SCYL2: variants seen among roughly 807,000 people sequenced by gnomAD.
The protein encoded by SCYL2 is SCY1 like pseudokinase 2, also known as SCY1-like protein 2.
SCYL2 carries 36 observed loss-of-function variants against 100.4 expected under a neutral mutation model. The observed-to-expected ratio is 0.36, with a 90% CI of 0.27 to 0.47. SCYL2 has a LOEUF of 0.47. Ranked by LOEUF, SCYL2 falls within the 20% of genes least tolerant of loss-of-function variation. SCYL2 has a pLI of 1.00. For missense variants in SCYL2, 902 were observed against 1,083.9 expected (o/e 0.83, Z 2.36); for synonymous variants, 330 against 359.2 (o/e 0.92, Z 0.92).
At chr12:100,330,915 G>T (rs1167875249) in intron 13 of SCYL2, among the ~76,000 whole-genome samples, 1 of 147,352 alleles carries the variant, frequency 6.8e-6, no homozygotes, top group Non-Finnish European at 1.5e-5. Flanking sequence ...TGCAACCTCC[G>T]CCTTCTTGGT....
intron 10 of SCYL2, among the ~76,000 whole-genome samples, chr12:100,318,805 A>T (rs1445707189): frequency 6.6e-6 from 1 of 152,196 alleles, no homozygotes; most frequent in Non-Finnish European, 1.5e-5. Context: ...GACCATTCTT[A>T]ATGCATGTAT....
chr12:100,276,405 T>C (rs1467824863), intron 1 of SCYL2, among the ~76,000 whole-genome samples: 1 of 152,174 alleles, frequency 6.6e-6, no homozygotes, highest in Non-Finnish European at 1.5e-5. Context: ...CAATCATGGC[T>C]CACTGCAGCC....
chr12:100,277,386 C>T (rs1024511941), intron 1 of SCYL2, among the ~76,000 whole-genome samples: 8 of 152,196 alleles, frequency 5.3e-5, no homozygotes, highest in Non-Finnish European at 1.2e-4. Context: ...ATGAATTTGT[C>T]TATTTCTTCT....
At chr12:100,331,653 T>G (rs182659407) in intron 13 of SCYL2, among the ~76,000 whole-genome samples, 56 of 151,836 alleles carry the variant, frequency 3.7e-4, no homozygotes, top group Non-Finnish European at 6.9e-4. Context: ...GCTTAGTGGG[T>G]TTTTTTTGGG....
intron 5 of SCYL2, among the ~76,000 whole-genome samples, chr12:100,311,722 G>T (rs905602593): frequency 6.6e-6 from 1 of 152,144 alleles, no homozygotes; most frequent in African/African-American, 2.4e-5. Flanking sequence ...TTTGAACGCA[G>T]CCTTTCTGCT....
intron 2 of SCYL2, among the ~76,000 whole-genome samples, chr12:100,284,514 G>A (rs950893757): frequency 7.9e-5 from 12 of 152,164 alleles, no homozygotes; most frequent in African/African-American, 2.9e-4. Flanking sequence ...TTAAAGAATA[G>A]CTAAGTCCTT....
chr12:100,317,587 T>C (rs542406167), intron 9 of SCYL2: 5 of 1,102,044 alleles, frequency 4.5e-6, no homozygotes, highest in South Asian at 4.8e-5. Flanking sequence ...AGTCTTTATT[T>C]AATTAACATT....
Position 100,267,370 on chromosome 12 carries a change from C to G in SCYL2, c.-451C>G. 3.3e-6 allele frequency: 1 copy of G among 301,820 alleles called. No individual in the cohort carries two copies. Among genetic ancestry groups the G allele is most frequent in the South Asian group, 6.3e-5 (1 of 15,806 alleles). The allele number at this position is 301,820 out of a possible 1,614,324, so 18.7% of individuals were successfully genotyped here. On this transcript the variant is annotated 5_prime_UTR_variant, in exon 1 of 18. Transcript: ENST00000360820. ...GGGGGGCGGGGGGAAAGAGCCCCAG[C>G]ACCGCCCCTCCTGGAAGAAGGAAGA...
chr12:100,282,567 C>T lies in SCYL2; in HGVS notation c.-28-376C>T, dbSNP rs117378795. On this transcript the variant is annotated intron_variant, in intron 1 of 17. Transcript: ENST00000360820. ...CTCAAACTTCTGACCTCAGGTGATCCGCTTGCCTTGGCCTCCCGAAGTGCT... is the reference window on the plus strand; with the variant it reads ...CTCAAACTTCTGACCTCAGGTGATCTGCTTGCCTTGGCCTCCCGAAGTGCT... Among the ~76,000 whole-genome samples the T allele has an allele frequency of 2.3e-3, 343 of 152,210 alleles. 6 individuals carry two copies. In the East Asian group the frequency reaches 0.037, roughly 16 times the overall value.
intron 14 of SCYL2, 22 bp from the exon 15 acceptor site, chr12:100,335,603 T>A (rs767429020): frequency 1.3e-6 from 2 of 1,524,586 alleles, no homozygotes; most frequent in South Asian, 2.4e-5. Context: ...TATTGTTTTA[T>A]CATAATTCAA....
At chr12:100,294,455 G>A (rs1190226402) in intron 3 of SCYL2, among the ~76,000 whole-genome samples, 10 of 113,856 alleles carry the variant, frequency 8.8e-5, no homozygotes, top group South Asian at 3.2e-4. Flanking sequence ...CAGTAGGGGC[G>A]GCCGGGCAGA....
At chr12:100,334,075 AT>A (rs1952244693) in intron 13 of SCYL2, 90 bp from the exon 14 acceptor site, 1 of 752,494 alleles carries the variant, frequency 1.3e-6, no homozygotes, top group African/African-American at 1.8e-5. Context: ...AAAATGGAGA[AT>A]ATTATGATTA....
chr12:100,298,265 T>C, intron 4 of SCYL2, 90 bp downstream of exon 4: 1 of 951,612 alleles, frequency 1.1e-6, no homozygotes, highest in Non-Finnish European at 1.5e-6. Context: ...TAAAACTATT[T>C]TAGGTAAACT....
intron 14 of SCYL2, 66 bp downstream of exon 14, chr12:100,334,332 T>G: frequency 1.1e-6 from 1 of 933,960 alleles, no homozygotes; most frequent in Non-Finnish European, 1.7e-6. Context: ...TATGATTGAT[T>G]TTCTGGAATA....
chr12:100,286,629 A>AT (rs2096304734), intron 2 of SCYL2, among the ~76,000 whole-genome samples: 6 of 152,080 alleles, frequency 3.9e-5, no homozygotes. Flanking sequence ...AATAATTATT[A>AT]TATGATAAAT....
At position 100,317,933 on chromosome 12, in the gene SCYL2, A is replaced by T. The variant is rs748536672; in HGVS notation, c.1395+8A>T. 1 of 1,539,864 alleles carries T rather than the reference A, an allele frequency of 6.5e-7. No individual in the cohort carries two copies. The highest frequency in any genetic ancestry group is 2.4e-5 in the Admixed American group (1 of 41,546). ...CCTTCCATTCAGATCCAGGTACAGT[A>T]TCTGATTTGTTTTTCTTTAATGATG... is the stretch of plus-strand genomic sequence containing the variant. On this transcript the variant is annotated splice_region_variant and intron_variant, in intron 10 of 17. Coordinates refer to ENST00000360820, the MANE Select transcript of SCYL2 (RefSeq NM_017988.6).
rs1016048548 is a variant in SCYL2, at chr12:100,341,340, G to A, written c.*2168G>A. 7 of 152,024 alleles carry A rather than the reference G, an allele frequency of 4.6e-5. No homozygotes were observed. Among genetic ancestry groups the A allele is most frequent in the African/African-American group, 9.7e-5 (4 of 41,398 alleles). 9.4% of individuals were successfully genotyped at this position (152,024 alleles called of 1,614,324 possible). On this transcript the variant is annotated 3_prime_UTR_variant, in exon 18 of 18. Coordinates refer to ENST00000360820, the MANE Select transcript of SCYL2 (RefSeq NM_017988.6). ...CTAGATCACCTTAAAATTATTTCACGTACTGAAGACAATTAAGTCCGTTAT... is the reference window on the plus strand; with the variant it reads ...CTAGATCACCTTAAAATTATTTCACATACTGAAGACAATTAAGTCCGTTAT...
chr12:100,296,931 G>A (rs769388686), intron 3 of SCYL2: 4 of 152,114 alleles, frequency 2.6e-5, no homozygotes, highest in African/African-American at 4.8e-5. Flanking sequence ...TTAAGCTTCT[G>A]CATATGCTCT....
At chr12:100,321,358 C>T (rs1035007178) in intron 10 of SCYL2, among the ~76,000 whole-genome samples, 4 of 152,148 alleles carry the variant, frequency 2.6e-5, no homozygotes, top group Non-Finnish European at 4.4e-5. Context: ...CTCAGTGATC[C>T]CTTCTCTTAT....
Sources: gnomAD v4.1 joint callset for allele counts (sites outside exome capture counted in the v4.1 genomes callset) on GRCh38, gnomAD v4.1.1 for gene constraint, MANE v1.5 for transcripts, NCBI Gene and HGNC (gene_info 2026-07-23, HGNC 2026-07-21) for gene names.